Variants in FAM227B observed in about 807,000 individuals in gnomAD.
FAM227B encodes the protein protein FAM227B.
FAM227B carries 88 observed loss-of-function variants against 73.8 expected under a neutral mutation model. That is an observed-to-expected ratio of 1.19 (90% CI 1.00 to 1.42). FAM227B has a LOEUF of 1.42. FAM227B is among the 40% of genes most tolerant of loss of function. The probability of loss-of-function intolerance (pLI) is 0.00; values close to 1 mark genes in which losing one functional copy is unlikely to be tolerated. For missense variants in FAM227B, 632 were observed against 590.9 expected, an observed-to-expected ratio of 1.07 and a Z score of -0.72; for synonymous variants, 210 against 190.5, an observed-to-expected ratio of 1.10 and a Z score of -0.84.
intron 10 of FAM227B, among the ~76,000 whole-genome samples, chr15:49,521,363 G>C (rs8034202): frequency 0.27 from 40,346 of 152,086 alleles, 5,619 homozygotes; most frequent in East Asian, 0.38. Flanking sequence ...AAACATGGGT[G>C]TGTGGTGATC....
intron 11 of FAM227B, among the ~76,000 whole-genome samples, chr15:49,450,548 T>C (rs1315519202): frequency 2.0e-5 from 3 of 152,124 alleles, no homozygotes; most frequent in African/African-American, 7.2e-5. Context: ...AAATATTTAC[T>C]CTTTAGTTAT....
intron 13 of FAM227B, among the ~76,000 whole-genome samples, chr15:49,354,967 C>T (rs972102834): frequency 1.3e-5 from 2 of 151,916 alleles, no homozygotes; most frequent in African/African-American, 2.4e-5. Flanking sequence ...GAGGCACCCC[C>T]CAGCAGGGGC....
chr15:49,408,307 G>T (rs763154215), intron 11 of FAM227B, among the ~76,000 whole-genome samples: 2 of 152,142 alleles, frequency 1.3e-5, no homozygotes, highest in Non-Finnish European at 2.9e-5. Context: ...ATGCCAATCT[G>T]ATTCTAGTTC....
chr15:49,606,430 T>TA (rs1460755794), intron 3 of FAM227B, among the ~76,000 whole-genome samples: 1 of 152,224 alleles, frequency 6.6e-6, no homozygotes, highest in African/African-American at 2.4e-5. Flanking sequence ...ATTTACTTAT[T>TA]TGATCAATCC....
Position 49,484,455 on chromosome 15 carries a change from C to T in FAM227B, c.1012+23756G>A, listed in dbSNP as rs753270506. The stretch of plus-strand genomic sequence containing the variant: ...GGGATTCCTGTAAGAGGAAAAAAAA[C>T]GAAGAAAGAACAAAAAACAGCCCAC... On this transcript the variant is annotated intron_variant, in intron 11 of 15. Coordinates refer to ENST00000299338, the MANE Select transcript of FAM227B (RefSeq NM_152647.3). 7.6e-6 allele frequency: 12 copies of T among 1,578,668 alleles called. No individual in the cohort carries two copies. The highest frequency in any genetic ancestry group is 4.1e-5 in the African/African-American group (3 of 73,474).
rs141588026 is a variant in FAM227B at position 49,367,564 on chromosome 15, G to A, written c.1155C>T (p.Phe385=). Residue 385 remains phenylalanine, a synonymous_variant, in exon 13 of 16, where the codon TTC becomes TTT. Coordinates refer to ENST00000299338, the MANE Select transcript of FAM227B (RefSeq NM_152647.3). The stretch of plus-strand genomic sequence containing the variant: ...TCAATGGACTCTGACCTCCAAAATT[G>A]AAGAGAACACGATTAAACTCTGGAC... The part of the protein sequence containing the change: ...STGPEFNRVL[F]NFGGQSPLIL... The A allele has an allele frequency of 1.2e-6, 2 of 1,603,616 alleles. No homozygotes were observed. Among genetic ancestry groups the A allele is most frequent in the Non-Finnish European group, 1.7e-6 (2 of 1,177,734 alleles).
chr15:49,367,782 G>T, intron 12 of FAM227B, 174 bp from the exon 13 acceptor site: 1 of 477,170 alleles, frequency 2.1e-6, no homozygotes, highest in Non-Finnish European at 3.5e-6. Context: ...GAGTCTATAA[G>T]TACATGCAGT....
At chr15:49,469,843 C>T (rs898352350) in intron 11 of FAM227B, among the ~76,000 whole-genome samples, 7 of 152,074 alleles carry the variant, frequency 4.6e-5, no homozygotes, top group Admixed American at 1.3e-4. Flanking sequence ...CAATTTTTTA[C>T]GACTCTAAGA....
At position 49,550,428 on chromosome 15, in the gene FAM227B, C is replaced by T. The variant is rs186877524; in HGVS notation, c.748-8622G>A. On this transcript the variant is annotated intron_variant, in intron 9 of 15. Coordinates refer to ENST00000299338, the MANE Select transcript of FAM227B (RefSeq NM_152647.3). ...GGACGGGGTGGCTGCTGGGCGGAGA[C>T]GCTCCTCACTTCCCAGACGGGGTGA... Among the ~76,000 whole-genome samples, 302 of 151,812 alleles carry T rather than the reference C, an allele frequency of 2.0e-3. 2 individuals carry two copies. The highest frequency in any genetic ancestry group is 6.9e-3 in the African/African-American group (284 of 41,422).
intron 11 of FAM227B, among the ~76,000 whole-genome samples, chr15:49,463,391 TA>T (rs2053977141): frequency 6.6e-6 from 1 of 151,792 alleles, no homozygotes; most frequent in Non-Finnish European, 1.5e-5. Context: ...CCACTTCTAC[TA>T]AAAATACAAA....
chr15:49,610,932 G>C (rs529368853), intron 3 of FAM227B, among the ~76,000 whole-genome samples: 8 of 152,162 alleles, frequency 5.3e-5, no homozygotes, highest in Admixed American at 2.0e-4. Context: ...ATTCTTTAAG[G>C]TGTAAATACA....
intron 11 of FAM227B, among the ~76,000 whole-genome samples, chr15:49,402,296 T>C (rs991483324): frequency 6.6e-6 from 1 of 152,250 alleles, no homozygotes; most frequent in Non-Finnish European, 1.5e-5. Flanking sequence ...GGATTCCATA[T>C]AAATTGTTAG....
At chr15:49,419,734 T>A (rs1292105001) in intron 11 of FAM227B, among the ~76,000 whole-genome samples, 2 of 152,158 alleles carry the variant, frequency 1.3e-5, no homozygotes, top group Admixed American at 6.6e-5. Context: ...GGACCAAACC[T>A]GTGTTTCACT....
intron 11 of FAM227B, chr15:49,484,320 A>G (rs1456303346): frequency 1.3e-6 from 2 of 1,587,562 alleles, no homozygotes; most frequent in South Asian, 1.1e-5. Flanking sequence ...AAAGAATGCA[A>G]TGAAGATTGT....
rs1056436969 is a variant in FAM227B, at chr15:49,424,137, G to A, written c.1013-52738C>T. Reference sequence around the variant, plus strand: ...AGGAGGAATCCTGTGTTGTTATCAGGAACTAAAAGGATAAGGCTAACAATT... The same window carrying A: ...AGGAGGAATCCTGTGTTGTTATCAGAAACTAAAAGGATAAGGCTAACAATT... On this transcript the variant is annotated intron_variant, in intron 11 of 15. Transcript: ENST00000299338. The A allele has an allele frequency of 5.2e-6, 3 of 580,974 alleles. No homozygotes were observed. In the African/African-American group the frequency reaches 5.6e-5, roughly 11 times the overall value. The allele number at this position is 580,974 out of a possible 1,614,324, so 36.0% of individuals were successfully genotyped here.
At chr15:49,539,603 G>A (rs1442612974) in intron 10 of FAM227B, among the ~76,000 whole-genome samples, 1 of 152,206 alleles carries the variant, frequency 6.6e-6, no homozygotes, top group Non-Finnish European at 1.5e-5. Flanking sequence ...AGAAAATGAG[G>A]TCTGGAGAGT....
At chr15:49,337,108 G>A (rs1041253732) in intron 13 of FAM227B, among the ~76,000 whole-genome samples, 4 of 152,134 alleles carry the variant, frequency 2.6e-5, no homozygotes, top group African/African-American at 4.8e-5. Flanking sequence ...GGGGATCTAC[G>A]TTGATTCCAT....
At chr15:49,550,303 C>A (rs766372560) in intron 9 of FAM227B, among the ~76,000 whole-genome samples, 2,270 of 142,856 alleles carry the variant, frequency 0.016, 32 homozygotes, top group Middle Eastern at 0.031. Context: ...CGCCCCTCAC[C>A]TCCCGGACGG....
chr15:49,467,874 T>G (rs548979337), intron 11 of FAM227B, among the ~76,000 whole-genome samples: 1 of 152,116 alleles, frequency 6.6e-6, no homozygotes, highest in Non-Finnish European at 1.5e-5. Context: ...GATCAGTAAA[T>G]TGGTATAGAA....
Sources: gnomAD v4.1 joint callset for allele counts (sites outside exome capture counted in the v4.1 genomes callset) on GRCh38, gnomAD v4.1.1 for gene constraint, MANE v1.5 for transcripts, NCBI Gene and HGNC (gene_info 2026-07-23, HGNC 2026-07-21) for gene names.